Variants in LIMS1 observed in about 807,000 individuals in gnomAD.
The protein encoded by LIMS1 is LIM and senescent cell antigen-like-containing domain protein 1.
Under a neutral mutation model 44.1 loss-of-function variants are expected in LIMS1, and 18 were observed. The ratio of observed to expected loss-of-function variants is 0.41; its 90% CI spans 0.28 to 0.61. The LOEUF is 0.61. Among genes scored for constraint, LIMS1 ranks in the 20% least tolerant of loss-of-function variants. The pLI is 0.32. For synonymous variants in LIMS1, 93 were observed against 149.1 expected, an observed-to-expected ratio of 0.62 and a Z score of 2.74; for missense variants, 201 against 422.0, an observed-to-expected ratio of 0.48 and a Z score of 4.59.
At chr2:108,675,828 T>C in intron 5 of LIMS1, 50 bp from the exon 6 acceptor site, 2 of 1,610,780 alleles carry the variant, frequency 1.2e-6, no homozygotes, top group Non-Finnish European at 1.7e-6. Context: ...CCCCATTGGT[T>C]GGCCACTTTT....
At chr2:108,557,611 T>G (rs184892001) in intron 1 of LIMS1, among the ~76,000 whole-genome samples, 2 of 150,844 alleles carry the variant, frequency 1.3e-5, no homozygotes, top group East Asian at 4.0e-4. Context: ...CTACCTCCCA[T>G]GTTCAAGCAG....
chr2:108,677,859 T>C, intron 7 of LIMS1, 120 bp from the exon 8 acceptor site: 1 of 1,485,230 alleles, frequency 6.7e-7, no homozygotes, highest in Non-Finnish European at 9.0e-7. Flanking sequence ...TCAAAGAACT[T>C]TTACTAAATT....
intron 9 of LIMS1, 48 bp downstream of exon 9, chr2:108,680,818 G>A (rs1243426880): frequency 7.6e-6 from 12 of 1,587,140 alleles, no homozygotes; most frequent in Non-Finnish European, 1.0e-5. Flanking sequence ...TGAAAACTTT[G>A]GGGAGACACT....
chr2:108,573,335 G>T, intron 1 of LIMS1, among the ~76,000 whole-genome samples: 1 of 148,714 alleles, frequency 6.7e-6, no homozygotes, highest in Non-Finnish European at 1.5e-5. Flanking sequence ...TGGGTACAGT[G>T]ATCTTTTGGC....
chr2:108,643,394 G>C (rs1333284788), intron 1 of LIMS1, among the ~76,000 whole-genome samples: 3 of 152,136 alleles, frequency 2.0e-5, no homozygotes, highest in Non-Finnish European at 4.4e-5. Flanking sequence ...AAGCGCAAGG[G>C]GTTGGGGAAC....
At chr2:108,587,628 A>G (rs1226881473) in intron 1 of LIMS1, among the ~76,000 whole-genome samples, 6 of 152,200 alleles carry the variant, frequency 3.9e-5, no homozygotes, top group South Asian at 2.1e-4. Context: ...CTGTATTTTC[A>G]GTGAATTCAG....
chr2:108,683,063 A>G (rs967774461), intron 9 of LIMS1, among the ~76,000 whole-genome samples: 6 of 152,328 alleles, frequency 3.9e-5, no homozygotes, highest in East Asian at 1.9e-4. Context: ...TAGCTTTTCA[A>G]AAGAATAGTT....
intron 7 of LIMS1, 167 bp downstream of exon 7, chr2:108,676,865 T>C: frequency 1.4e-6 from 1 of 713,366 alleles, no homozygotes; most frequent in Non-Finnish European, 2.2e-6. Context: ...CTATAAAATA[T>C]ACAAAGAATA....
chr2:108,614,756 A>C (rs1053487893), intron 1 of LIMS1, among the ~76,000 whole-genome samples: 4 of 152,200 alleles, frequency 2.6e-5, no homozygotes, highest in African/African-American at 9.7e-5. Context: ...CTGCACACAA[A>C]ACCTGGGGAG....
In LIMS1 at chr2:108,612,085, C is replaced by T. The variant is rs1157920575; in HGVS notation, c.33-47520C>T. Among the ~76,000 whole-genome samples, 2 of 147,786 alleles carry T rather than the reference C, an allele frequency of 1.4e-5. 1 individual carries two copies. Among genetic ancestry groups the T allele is most frequent in the Non-Finnish European group, 3.0e-5 (2 of 67,416 alleles). On this transcript the variant is annotated intron_variant, in intron 1 of 9. Transcript: ENST00000544547. ...ATATATATATACATATATATATGCC[C>T]TAAGAGTGAGTTTTTTCTCTTGGCA...
intron 1 of LIMS1, among the ~76,000 whole-genome samples, chr2:108,648,635 A>G (rs1449760591): frequency 4.6e-5 from 7 of 152,208 alleles, no homozygotes; most frequent in Non-Finnish European, 7.4e-5. Flanking sequence ...CAAAACAGAT[A>G]TATAAACCAA....
chr2:108,680,563 A>G, intron 8 of LIMS1, 132 bp from the exon 9 acceptor site: 1 of 413,656 alleles, frequency 2.4e-6, no homozygotes, highest in South Asian at 5.4e-5. Context: ...AAAAAAAAAA[A>G]AGGTTCTTGA....
At chr2:108,546,299 C>T (rs148758573) in intron 1 of LIMS1, among the ~76,000 whole-genome samples, 1 of 93,810 alleles carries the variant, frequency 1.1e-5, no homozygotes, top group Non-Finnish European at 2.0e-5. Flanking sequence ...TTTTAGGAGA[C>T]AGAGTCTTAC....
intron 1 of LIMS1, among the ~76,000 whole-genome samples, chr2:108,550,061 A>G (rs1684629826): frequency 1.3e-5 from 2 of 152,294 alleles, no homozygotes; most frequent in African/African-American, 4.8e-5. Context: ...TATTTATCAT[A>G]TTTATTAAAG....
chr2:108,559,960 C>A (rs1685058586), intron 1 of LIMS1, among the ~76,000 whole-genome samples: 1 of 151,026 alleles, frequency 6.6e-6, no homozygotes, highest in African/African-American at 2.4e-5. Flanking sequence ...CCCACCACCT[C>A]CCATGGAGTC....
rs946361169 is a variant in LIMS1 at position 108,677,300 on chromosome 2, C to G, written c.774+602C>G. The G allele has an allele frequency of 5.9e-5, 9 of 152,462 alleles. 1 individual carries two copies. Among genetic ancestry groups the G allele is most frequent in the Admixed American group, 2.6e-4 (4 of 15,272 alleles). 9.4% of individuals were successfully genotyped at this position (152,462 alleles called of 1,614,324 possible). ...TAACCCCTTTTTAATAGACTACTTT[C>G]CACTTGGGTTCACCTGGTGCTTCTC... On this transcript the variant is annotated intron_variant, in intron 7 of 9. Transcript: ENST00000544547.
intron 1 of LIMS1, among the ~76,000 whole-genome samples, chr2:108,642,550 G>C (rs1379076762): frequency 6.6e-6 from 1 of 151,760 alleles, no homozygotes; most frequent in Admixed American, 6.6e-5. Flanking sequence ...TCGTAGAGAC[G>C]GGGTTTCACC....
chr2:108,621,788 G>A (rs1421258188), intron 1 of LIMS1, among the ~76,000 whole-genome samples: 2 of 152,128 alleles, frequency 1.3e-5, no homozygotes, highest in African/African-American at 4.8e-5. Context: ...TTTAAAGAGA[G>A]TTTTCTTTGG....
intron 1 of LIMS1, among the ~76,000 whole-genome samples, chr2:108,586,548 C>A (rs1053650884): frequency 6.6e-6 from 1 of 152,190 alleles, no homozygotes; most frequent in East Asian, 1.9e-4. Flanking sequence ...TACGAGAAGA[C>A]CTTCAAGCAT....
Sources: gnomAD v4.1 joint callset for allele counts (sites outside exome capture counted in the v4.1 genomes callset) on GRCh38, gnomAD v4.1.1 for gene constraint, MANE v1.5 for transcripts, NCBI Gene and HGNC (gene_info 2026-07-23, HGNC 2026-07-21) for gene names.